The following LHFPL3 variants were observed in gnomAD, a reference collection of about 807,000 sequenced individuals.
LHFPL3 encodes the protein LHFPL tetraspan subfamily member 3.
In LHFPL3, 5 loss-of-function variants were observed where a neutral mutation model predicts 19.3. The observed-to-expected ratio is 0.26, with a 90% confidence interval of 0.14 to 0.54. The LOEUF is 0.54. LHFPL3 is among the 20% of genes least tolerant of loss of function. LHFPL3 has a pLI of 0.94. For missense variants in LHFPL3, 249 were observed against 307.4 expected, an observed-to-expected ratio of 0.81 and a Z score of 1.42; for synonymous variants, 133 against 126.2, an observed-to-expected ratio of 1.05 and a Z score of -0.36.
At chr7:104,661,728 G>A (rs1002143876) in intron 1 of LHFPL3, among the ~76,000 whole-genome samples, 4 of 151,978 alleles carry the variant, frequency 2.6e-5, no homozygotes, top group African/African-American at 4.8e-5. Flanking sequence ...TTCCTTCTTC[G>A]CAATTTCATG....
chr7:104,465,536 C>T (rs1440597589), intron 1 of LHFPL3, among the ~76,000 whole-genome samples: 1 of 152,210 alleles, frequency 6.6e-6, no homozygotes, highest in Non-Finnish European at 1.5e-5. Flanking sequence ...TTCAGCATGG[C>T]TGGGGAGGCC....
chr7:104,727,759 C>T (rs757272567), intron 1 of LHFPL3, among the ~76,000 whole-genome samples: 1 of 151,868 alleles, frequency 6.6e-6, no homozygotes, highest in Non-Finnish European at 1.5e-5. Flanking sequence ...GAAAAAAAAA[C>T]TTGGAGTCAT....
At position 104,906,480 on chromosome 7, in the gene LHFPL3, G is replaced by T. The variant is rs527974383; in HGVS notation, c.*265G>T. 2.2e-6 allele frequency: 1 copy of T among 460,876 alleles called. No individual in the cohort carries two copies. The highest frequency in any genetic ancestry group is 3.8e-6 in the Non-Finnish European group (1 of 262,362). The allele number at this position is 460,876 out of a possible 1,614,324, so 28.5% of individuals were successfully genotyped here. On this transcript the variant is annotated 3_prime_UTR_variant, in exon 3 of 3. Transcript: ENST00000424859. ...AACTCATTGGATGAGATCAGAAAAC[G>T]TTCATGAAAAATCATATTCAGGAAA...
At chr7:104,889,761 C>T (rs932408776) in intron 2 of LHFPL3, among the ~76,000 whole-genome samples, 3 of 151,996 alleles carry the variant, frequency 2.0e-5, no homozygotes, top group African/African-American at 7.3e-5. Flanking sequence ...AAGATTTCAA[C>T]GAGAACTGAA....
chr7:104,494,562 C>T lies in LHFPL3; in HGVS notation c.445+165338C>T, dbSNP rs548489174. Among the ~76,000 whole-genome samples, 5 of 152,234 alleles carry T rather than the reference C, an allele frequency of 3.3e-5. No homozygotes were observed. The South Asian group carries it at 6.2e-4, about 19-fold the overall frequency. Reference sequence around the variant, plus strand: ...ACCCATGCTAAGAAAGAACTCCCTGCCCCCAAAACGTCAGCACTCTGTAGT... The same window carrying T: ...ACCCATGCTAAGAAAGAACTCCCTGTCCCCAAAACGTCAGCACTCTGTAGT... On this transcript the variant is annotated intron_variant, in intron 1 of 2. Transcript: ENST00000424859.
At chr7:104,666,684 G>A (rs1272832373) in intron 1 of LHFPL3, among the ~76,000 whole-genome samples, 1 of 149,826 alleles carries the variant, frequency 6.7e-6, no homozygotes, top group Non-Finnish European at 1.5e-5. Flanking sequence ...ACTACGCCCG[G>A]CTAATTTTTT....
chr7:104,445,292 T>A (rs901565566), intron 1 of LHFPL3, among the ~76,000 whole-genome samples: 2 of 152,102 alleles, frequency 1.3e-5, no homozygotes, highest in African/African-American at 4.8e-5. Flanking sequence ...GGTACAGACA[T>A]AAGAGTCAAG....
rs543246520 is a variant in LHFPL3, at chr7:104,855,934, G to A, written c.683-50253G>A. ...GATCTTTATAGCAAATCCTTTAAGC[G>A]TGTCCATGCTTGCACAACACCAAAA... On this transcript the variant is annotated intron_variant, in intron 2 of 2. Coordinates refer to ENST00000424859, the MANE Select transcript of LHFPL3 (RefSeq NM_199000.3). 1.6e-4 allele frequency among the ~76,000 whole-genome samples: 25 copies of A among 152,224 alleles called. No individual in the cohort carries two copies. The South Asian group carries it at 3.7e-3, about 23-fold the overall frequency.
At chr7:104,903,408 C>CCA (rs753272588) in intron 2 of LHFPL3, among the ~76,000 whole-genome samples, 1 of 151,924 alleles carries the variant, frequency 6.6e-6, no homozygotes, top group South Asian at 2.1e-4. Flanking sequence ...TTCCCCTGCC[C>CCA]CACACACACA....
intron 1 of LHFPL3, among the ~76,000 whole-genome samples, chr7:104,368,708 C>A (rs1037983191): frequency 1.3e-5 from 2 of 151,588 alleles, no homozygotes; most frequent in African/African-American, 4.8e-5. Flanking sequence ...GTCTGCATGG[C>A]CTTCCCAAAG....
intron 1 of LHFPL3, chr7:104,669,162 G>A (rs62484607): frequency 0.16 from 254,764 of 1,613,126 alleles, 20,710 homozygotes; most frequent in Non-Finnish European, 0.17. Context: ...TAAAGGTAAT[G>A]CCAGCCCCTC....
chr7:104,900,839 G>C (rs1004762552), intron 2 of LHFPL3, among the ~76,000 whole-genome samples: 1 of 152,188 alleles, frequency 6.6e-6, no homozygotes, highest in South Asian at 2.1e-4. Flanking sequence ...GGGCAACTCC[G>C]AGCCCATGAC....
chr7:104,721,353 A>G (rs1046127579), intron 1 of LHFPL3, among the ~76,000 whole-genome samples: 1 of 152,152 alleles, frequency 6.6e-6, no homozygotes, highest in Non-Finnish European at 1.5e-5. Context: ...TCACTTGGAC[A>G]CAGGGCAGGG....
chr7:104,377,926 C>T (rs1276974309), intron 1 of LHFPL3, among the ~76,000 whole-genome samples: 3 of 152,128 alleles, frequency 2.0e-5, no homozygotes, highest in East Asian at 1.9e-4. Context: ...AATTCTACCT[C>T]GTGAAAATAA....
At chr7:104,458,970 C>A (rs1792605922) in intron 1 of LHFPL3, among the ~76,000 whole-genome samples, 1 of 152,200 alleles carries the variant, frequency 6.6e-6, no homozygotes, top group Non-Finnish European at 1.5e-5. Context: ...GGGAAAGGAT[C>A]TTGGCACCTA....
rs975932513 is a variant in LHFPL3 at position 104,585,830 on chromosome 7, C to G, written c.446-150845C>G. ...TTAAAATCATGCAGGGAAACAACAA[C>G]CTTTTTAAAAATCTGGTACCCAAGG... On this transcript the variant is annotated intron_variant, in intron 1 of 2. Coordinates refer to ENST00000424859, the MANE Select transcript of LHFPL3 (RefSeq NM_199000.3). Among the ~76,000 whole-genome samples the G allele has an allele frequency of 2.0e-5, 3 of 151,820 alleles. No homozygotes were observed. The East Asian group carries it at 5.8e-4, about 29-fold the overall frequency.
At chr7:104,522,168 A>C (rs6946241) in intron 1 of LHFPL3, among the ~76,000 whole-genome samples, 60,596 of 151,806 alleles carry the variant, frequency 0.4, 12,296 homozygotes, top group Middle Eastern at 0.48. Context: ...CTGGATTAAG[A>C]AAATGTGGCA....
At chr7:104,382,667 A>G (rs1790851145) in intron 1 of LHFPL3, among the ~76,000 whole-genome samples, 1 of 152,218 alleles carries the variant, frequency 6.6e-6, no homozygotes, top group Non-Finnish European at 1.5e-5. Flanking sequence ...CACTCTCTGT[A>G]TGCCCCATAT....
chr7:104,591,155 T>C (rs992692779), intron 1 of LHFPL3, among the ~76,000 whole-genome samples: 3 of 152,168 alleles, frequency 2.0e-5, no homozygotes, highest in Non-Finnish European at 4.4e-5. Flanking sequence ...ATCCTGTCAT[T>C]GTGACGTTAG....
Sources: allele counts gnomAD v4.1 joint callset (sites outside exome capture counted in the v4.1 genomes callset), GRCh38; gene constraint gnomAD v4.1.1; transcripts MANE v1.5; gene names NCBI Gene and HGNC (gene_info 2026-07-23, HGNC 2026-07-21).